Variants in PDCD6IP observed in about 807,000 individuals in gnomAD.
The protein encoded by PDCD6IP is programmed cell death 6 interacting protein, also known as programmed cell death 6-interacting protein.
PDCD6IP carries 43 observed loss-of-function variants against 103.7 expected under a neutral mutation model. The observed-to-expected ratio is 0.41, with a 90% CI of 0.32 to 0.53. The LOEUF (loss-of-function observed/expected upper bound fraction) is 0.53, where lower values mean the gene tolerates loss of function less well. Among genes scored for constraint, PDCD6IP ranks in the 20% least tolerant of loss-of-function variants. The pLI, the probability that PDCD6IP is intolerant of heterozygous loss-of-function variation, is 0.16. For synonymous variants in PDCD6IP, 354 were observed against 378.7 expected (o/e 0.93, Z 0.76); for missense variants, 871 against 1,036.7 (o/e 0.84, Z 2.20).
intron 1 of PDCD6IP, among the ~76,000 whole-genome samples, chr3:33,801,479 A>G (rs750693624): frequency 2.0e-5 from 3 of 152,174 alleles, no homozygotes; most frequent in Non-Finnish European, 2.9e-5. Flanking sequence ...ACATTTATGC[A>G]TATTATAATA....
At chr3:33,863,969 C>G (rs1279256236) in intron 15 of PDCD6IP, 37 bp from the exon 16 acceptor site, 2 of 1,408,842 alleles carry the variant, frequency 1.4e-6, no homozygotes, top group Non-Finnish European at 2.0e-6. Flanking sequence ...TAATTTTTTT[C>G]TATCATGTTA....
At chr3:33,839,132 G>A (rs191704245) in intron 9 of PDCD6IP, among the ~76,000 whole-genome samples, 51 of 152,236 alleles carry the variant, frequency 3.4e-4, no homozygotes, top group African/African-American at 1.1e-3. Context: ...ATAAATGTAT[G>A]TACCCATGTA....
chr3:33,821,997 A>G lies in PDCD6IP; in HGVS notation c.377A>G (p.Asn126Ser), dbSNP rs909925357. The G allele has an allele frequency of 2.5e-6, 4 of 1,613,974 alleles. No homozygotes were observed. Among genetic ancestry groups the G allele is most frequent in the African/African-American group, 1.3e-5 (1 of 74,938 alleles). ...TATGAAAAGAGCTGTGTGTTGTTCAATTGTGCAGCCTTAGCTAGCCAAATT... is the reference window on the plus strand; with the variant it reads ...TATGAAAAGAGCTGTGTGTTGTTCAGTTGTGCAGCCTTAGCTAGCCAAATT... The part of the protein sequence containing the change: ...LGYEKSCVLF[N>S]CAALASQIAA... The change falls in exon 4 of 18, where the codon AAT becomes AGT. Residue 126 changes from asparagine to serine, a missense_variant. By Grantham distance (46) the Asn-to-Ser change is conservative. This residue lies in a region of PDCD6IP where 47 missense variants were observed against 83.7 expected (regional missense o/e 0.56). Coordinates refer to ENST00000307296, the MANE Select transcript of PDCD6IP (RefSeq NM_013374.6).
chr3:33,814,846 T>TA (rs60328739), intron 3 of PDCD6IP, among the ~76,000 whole-genome samples: 41,704 of 144,160 alleles, frequency 0.29, 6,229 homozygotes, highest in East Asian at 0.41. Context: ...TATGCATGTA[T>TA]TATTCATATA....
At chr3:33,799,981 G>A (rs1316475512) in intron 1 of PDCD6IP, among the ~76,000 whole-genome samples, 1 of 151,942 alleles carries the variant, frequency 6.6e-6, no homozygotes, top group African/African-American at 2.4e-5. Flanking sequence ...TTAGCCGGGC[G>A]TGGTGGCGGG....
intron 12 of PDCD6IP, among the ~76,000 whole-genome samples, chr3:33,850,715 C>T (rs2125571973): frequency 6.6e-6 from 1 of 152,204 alleles, no homozygotes; most frequent in African/African-American, 2.4e-5. Flanking sequence ...TTCACATCGT[C>T]TGATATCAAG....
rs199823764 is a variant in PDCD6IP at position 33,863,975 on chromosome 3, T to C, written c.2121-31T>C. 6 of 1,457,188 alleles carry C rather than the reference T, an allele frequency of 4.1e-6. No homozygotes were observed. In the African/African-American group the frequency reaches 4.2e-5, roughly 10 times the overall value. The allele number at this position is 1,457,188 out of a possible 1,614,324, so 90.3% of individuals were successfully genotyped here. A position where few individuals can be genotyped will look rare whatever the true frequency, so the allele number is the denominator to read the frequency against. ...TATGTGTGTTAATTTTTTTCTATCA[T>C]GTTAATTTTTAACACTCTGTCTTTG... On this transcript the variant is annotated intron_variant, in intron 15 of 17. Transcript: ENST00000307296.
intron 10 of PDCD6IP, among the ~76,000 whole-genome samples, chr3:33,842,549 A>C (rs1697498395): frequency 6.6e-6 from 1 of 151,228 alleles, no homozygotes; most frequent in African/African-American, 2.4e-5. Context: ...TGTGGGTTTG[A>C]GTCTATGATT....
intron 13 of PDCD6IP, among the ~76,000 whole-genome samples, chr3:33,853,541 CAT>C (rs1697764496): frequency 6.6e-6 from 1 of 152,128 alleles, no homozygotes; most frequent in Admixed American, 6.5e-5. Context: ...CAAAATTAAA[CAT>C]ATATTTCTAC....
At chr3:33,848,410 CTT>C (rs537896343) in intron 12 of PDCD6IP, among the ~76,000 whole-genome samples, 2 of 145,654 alleles carry the variant, frequency 1.4e-5, no homozygotes. Context: ...TTCTTTCTTT[CTT>C]TTTTTTTTTT....
chr3:33,814,235 A>G (rs1479645155), intron 3 of PDCD6IP, among the ~76,000 whole-genome samples: 1 of 148,216 alleles, frequency 6.7e-6, no homozygotes, highest in African/African-American at 2.5e-5. Context: ...ACCTCTGCCT[A>G]CTGGGTTCAA....
rs58066707 is a variant in PDCD6IP at position 33,825,077 on chromosome 3, A to G, written c.463-110A>G. On this transcript the variant is annotated intron_variant, in intron 4 of 17. Coordinates refer to ENST00000307296, the MANE Select transcript of PDCD6IP (RefSeq NM_013374.6). ...TTGGTTTTGCATAATATAAAAATTT[A>G]AATATATTAACTGTTCACTGAGTTA... 2.2e-3 allele frequency: 1,976 copies of G among 913,992 alleles called. 16 individuals are homozygous for G. The African/African-American group carries it at 0.027, about 12-fold the overall frequency. The allele number at this position is 913,992 out of a possible 1,614,324, so 56.6% of individuals were successfully genotyped here.
At chr3:33,825,951 G>A (rs1419687817) in intron 5 of PDCD6IP, among the ~76,000 whole-genome samples, 1 of 152,124 alleles carries the variant, frequency 6.6e-6, no homozygotes, top group African/African-American at 2.4e-5. Flanking sequence ...GAGTCATCCA[G>A]GCACAGTCCC....
intron 4 of PDCD6IP, 120 bp downstream of exon 4, chr3:33,822,202 A>G: frequency 2.0e-6 from 2 of 1,003,330 alleles, no homozygotes; most frequent in Non-Finnish European, 2.9e-6. Flanking sequence ...AAACGAATGC[A>G]CTTTTAAAAT....
At position 33,865,299 on chromosome 3, in the gene PDCD6IP, A is replaced by G; in HGVS notation, c.2301A>G (p.Arg767=). 3.8e-6 allele frequency: 6 copies of G among 1,592,410 alleles called. No homozygotes were observed. The highest frequency in any genetic ancestry group is 1.1e-5 in the South Asian group (1 of 87,828). The change falls in exon 17 of 18, where the codon CGA becomes CGG. Residue 767 remains arginine (R), a synonymous_variant. Transcript: ENST00000307296. ...CACCACCTGTGCTTCCAGCAAATCG[A>G]GCTCCTTCTGCTACTGCTCCATCTC... ...RPPPPVLPAN[R]APSATAPSPV...
At chr3:33,843,746 T>A (rs1697525810) in intron 10 of PDCD6IP, among the ~76,000 whole-genome samples, 2 of 152,138 alleles carry the variant, frequency 1.3e-5, no homozygotes, top group African/African-American at 2.4e-5. Flanking sequence ...GGAATGAAAG[T>A]CTAAATTTTA....
At position 33,813,333 on chromosome 3, in the gene PDCD6IP, A is replaced by T. The variant is rs538163877; in HGVS notation, c.265-226A>T. 114 of 410,122 alleles carry T rather than the reference A, an allele frequency of 2.8e-4. No homozygotes were observed. The South Asian group carries it at 5.1e-3, about 18-fold the overall frequency. 25.4% of individuals were successfully genotyped at this position (410,122 alleles called of 1,614,324 possible). ...TATAAAGATGAATAAGATAGTGTTT[A>T]TGATTACCAAGGCAGAATGACCATT... On this transcript the variant is annotated intron_variant, in intron 2 of 17. Coordinates refer to ENST00000307296, the MANE Select transcript of PDCD6IP (RefSeq NM_013374.6).
intron 12 of PDCD6IP, 119 bp downstream of exon 12, chr3:33,845,707 G>T (rs1697578049): frequency 1.4e-6 from 1 of 714,074 alleles, no homozygotes; most frequent in Non-Finnish European, 2.3e-6. Context: ...GAAATAAATT[G>T]GGGTTGTTAT....
At chr3:33,807,999 C>G (rs1007484593) in intron 1 of PDCD6IP, among the ~76,000 whole-genome samples, 6 of 152,152 alleles carry the variant, frequency 3.9e-5, no homozygotes, top group Admixed American at 2.6e-4. Flanking sequence ...TTTGATAGCT[C>G]CTGTTCATTC....
Sources: allele counts gnomAD v4.1 joint callset (sites outside exome capture counted in the v4.1 genomes callset), GRCh38; gene constraint gnomAD v4.1.1; regional missense constraint gnomAD v4.1.1; transcripts MANE v1.5; gene names NCBI Gene and HGNC (gene_info 2026-07-23, HGNC 2026-07-21).